SLC44A5: variants seen among roughly 807,000 people sequenced by gnomAD.
The protein encoded by SLC44A5 is solute carrier family 44 member 5.
SLC44A5 carries 57 observed loss-of-function variants against 101.8 expected under a neutral mutation model. That is an observed-to-expected ratio of 0.56 (90% CI 0.45 to 0.70). The LOEUF is 0.70. SLC44A5 is among the 30% of genes least tolerant of loss of function. The pLI is 0.00. For missense variants in SLC44A5, 737 were observed against 853.1 expected (o/e 0.86, Z 1.70); for synonymous variants, 281 against 290.9 (o/e 0.97, Z 0.35).
chr1:75,359,503 A>C (rs1659335796), intron 3 of SLC44A5, among the ~76,000 whole-genome samples: 1 of 151,954 alleles, frequency 6.6e-6, no homozygotes, highest in Admixed American at 6.6e-5. Flanking sequence ...GGTCTCCCAA[A>C]GTGCTGGGAT....
chr1:75,685,793 A>G, the SLC44A5 span, among the ~76,000 whole-genome samples: 3 of 152,170 alleles, frequency 2.0e-5, no homozygotes, highest in African/African-American at 7.2e-5. Context: ...GTATCCTTAT[A>G]GCAGCACTCC....
intron 2 of SLC44A5, among the ~76,000 whole-genome samples, chr1:75,406,119 G>T (rs1460845847): frequency 2.0e-5 from 3 of 152,048 alleles, no homozygotes; most frequent in Non-Finnish European, 4.4e-5. Context: ...CAGAAGAAAT[G>T]GATAAATTCC....
At chr1:75,533,509 A>T (rs1670832167) in intron 2 of SLC44A5, among the ~76,000 whole-genome samples, 1 of 152,222 alleles carries the variant, frequency 6.6e-6, no homozygotes, top group Non-Finnish European at 1.5e-5. Flanking sequence ...AACGAAAAGA[A>T]GGCTCTCACA....
At chr1:75,289,081 A>T (rs1233914955) in intron 5 of SLC44A5, among the ~76,000 whole-genome samples, 2 of 152,198 alleles carry the variant, frequency 1.3e-5, no homozygotes, top group East Asian at 3.9e-4. Flanking sequence ...AAAGTTCCTG[A>T]GGGGTCCAGT....
chr1:75,261,086 T>C (rs1229630834), intron 6 of SLC44A5, among the ~76,000 whole-genome samples: 3 of 151,876 alleles, frequency 2.0e-5, no homozygotes, highest in Non-Finnish European at 4.4e-5. Flanking sequence ...AGATCTAAAA[T>C]CGACACTAAC....
chr1:75,242,191 ATAT>A, intron 8 of SLC44A5, 130 bp from the exon 9 acceptor site: 1 of 618,212 alleles, frequency 1.6e-6, no homozygotes, highest in South Asian at 2.2e-5. Context: ...TCTACTAATA[ATAT>A]TAATTGTAAG....
chr1:75,474,896 A>G (rs1667298485), intron 2 of SLC44A5, among the ~76,000 whole-genome samples: 1 of 152,234 alleles, frequency 6.6e-6, no homozygotes, highest in Admixed American at 6.5e-5. Flanking sequence ...ATTTTCAAGT[A>G]ATTCTGAATT....
intron 2 of SLC44A5, among the ~76,000 whole-genome samples, chr1:75,438,649 C>A (rs1416822103): frequency 1.3e-5 from 2 of 152,082 alleles, no homozygotes; most frequent in Admixed American, 6.6e-5. Context: ...TCAAATTAGT[C>A]CAGATACCTC....
chr1:75,596,448 T>G (rs1274352381), intron 1 of SLC44A5, among the ~76,000 whole-genome samples: 1 of 152,150 alleles, frequency 6.6e-6, no homozygotes, highest in Non-Finnish European at 1.5e-5. Context: ...CTCTAACTCA[T>G]TTTATGAGGC....
intron 1 of SLC44A5, among the ~76,000 whole-genome samples, chr1:75,571,168 C>T (rs561270342): frequency 2.0e-5 from 3 of 152,144 alleles, no homozygotes; most frequent in Non-Finnish European, 1.5e-5. Flanking sequence ...AAAATGTTGA[C>T]TCTGCAAACA....
intron 2 of SLC44A5, among the ~76,000 whole-genome samples, chr1:75,509,368 A>T (rs1052168231): frequency 1.3e-5 from 2 of 152,216 alleles, no homozygotes; most frequent in African/African-American, 4.8e-5. Flanking sequence ...AGTTGGGACA[A>T]ACACTCATCT....
chr1:75,597,770 C>T (rs928815952), intron 1 of SLC44A5, among the ~76,000 whole-genome samples: 1 of 152,176 alleles, frequency 6.6e-6, no homozygotes, highest in South Asian at 2.1e-4. Flanking sequence ...CTCTTTCTTA[C>T]ACCACATACA....
At chr1:75,305,414 A>T (rs567715999) in intron 4 of SLC44A5, among the ~76,000 whole-genome samples, 12 of 152,280 alleles carry the variant, frequency 7.9e-5, no homozygotes, top group African/African-American at 2.9e-4. Context: ...GATATTACTG[A>T]TATGTGATGA....
chr1:75,444,076 G>C (rs1665364023), intron 2 of SLC44A5, among the ~76,000 whole-genome samples: 1 of 151,690 alleles, frequency 6.6e-6, no homozygotes, highest in Admixed American at 6.6e-5. Context: ...CAGCTCTTTG[G>C]GAGGCTGAGG....
the SLC44A5 span, among the ~76,000 whole-genome samples, chr1:75,647,484 C>A: frequency 6.6e-6 from 1 of 152,118 alleles, no homozygotes; most frequent in Non-Finnish European, 1.5e-5. Flanking sequence ...AGAAGGCCAC[C>A]ACCCTCCAGA....
intron 1 of SLC44A5, among the ~76,000 whole-genome samples, chr1:75,569,376 G>C (rs1337051308): frequency 6.6e-6 from 1 of 151,502 alleles, no homozygotes; most frequent in Non-Finnish European, 1.5e-5. Context: ...AAGTAGCTTG[G>C]GACTACAGGT....
At chr1:75,586,369 A>ATG (rs138209068) in intron 1 of SLC44A5, among the ~76,000 whole-genome samples, 92,233 of 138,776 alleles carry the variant, frequency 0.66, 30,474 homozygotes, top group East Asian at 0.84. Context: ...GTATGTATAT[A>ATG]TGTGTGTGTG....
At chr1:75,453,842 G>A (rs1442626798) in intron 2 of SLC44A5, among the ~76,000 whole-genome samples, 1 of 152,004 alleles carries the variant, frequency 6.6e-6, no homozygotes, top group East Asian at 1.9e-4. Context: ...TCCCAAGATT[G>A]AATCAGGAAA....
intron 3 of SLC44A5, among the ~76,000 whole-genome samples, chr1:75,384,778 C>T (rs1309743149): frequency 6.3e-4 from 91 of 144,246 alleles, no homozygotes; most frequent in African/African-American, 2.3e-3. Flanking sequence ...CACACCACAC[C>T]TATTCCAAAA....
Sources: allele counts gnomAD v4.1 joint callset (sites outside exome capture counted in the v4.1 genomes callset), GRCh38; gene constraint gnomAD v4.1.1; transcripts MANE v1.5; gene names NCBI Gene and HGNC (gene_info 2026-07-23, HGNC 2026-07-21).